The following FNDC1 variants were observed in gnomAD, a reference collection of about 807,000 sequenced individuals.
The protein encoded by FNDC1 is fibronectin type III domain containing 1.
FNDC1 carries 96 observed loss-of-function variants against 168.0 expected under a neutral mutation model. The ratio of observed to expected loss-of-function variants is 0.57; its 90% confidence interval spans 0.48 to 0.68. The LOEUF is 0.68. Among genes scored for constraint, FNDC1 ranks in the 30% least tolerant of loss-of-function variants. The pLI is 0.00. For missense variants in FNDC1, 2,587 were observed against 2,482.1 expected (o/e 1.04, Z -0.90); for synonymous variants, 1,099 against 1,025.9 (o/e 1.07, Z -1.36).
intron 17 of FNDC1, among the ~76,000 whole-genome samples, chr6:159,253,452 G>T (rs1196906240): frequency 6.6e-6 from 1 of 152,162 alleles, no homozygotes; most frequent in Non-Finnish European, 1.5e-5. Flanking sequence ...TTTGAATCCT[G>T]CTGGCTACAT....
chr6:159,263,104 G>C (rs2115028729), intron 19 of FNDC1, among the ~76,000 whole-genome samples: 1 of 152,322 alleles, frequency 6.6e-6, no homozygotes, highest in African/African-American at 2.4e-5. Flanking sequence ...GTCTGTGCTG[G>C]TGTCATTTTG....
intron 17 of FNDC1, among the ~76,000 whole-genome samples, chr6:159,253,354 C>T (rs1177989336): frequency 2.6e-5 from 4 of 152,306 alleles, no homozygotes; most frequent in East Asian, 3.9e-4. Flanking sequence ...AACCAAACAC[C>T]GGCTCTTTCA....
chr6:159,236,867 T>C (rs1783272438), intron 12 of FNDC1, among the ~76,000 whole-genome samples: 1 of 152,226 alleles, frequency 6.6e-6, no homozygotes, highest in African/African-American at 2.4e-5. Context: ...TTCATGTATG[T>C]CTAAACAGCT....
At chr6:159,239,114 C>T (rs1008318241) in intron 13 of FNDC1, among the ~76,000 whole-genome samples, 2 of 152,184 alleles carry the variant, frequency 1.3e-5, no homozygotes, top group Admixed American at 6.5e-5. Context: ...CTTAATTATG[C>T]ACTGTCTAAC....
chr6:159,239,369 A>G (rs1783348082), intron 13 of FNDC1, 148 bp from the exon 14 acceptor site: 2 of 659,700 alleles, frequency 3.0e-6, no homozygotes, highest in African/African-American at 1.8e-5. Flanking sequence ...ATCGTGGAGC[A>G]TACTGATGCA....
intron 1 of FNDC1, among the ~76,000 whole-genome samples, chr6:159,185,645 T>C (rs1055138204): frequency 6.6e-6 from 1 of 152,188 alleles, no homozygotes; most frequent in Non-Finnish European, 1.5e-5. Flanking sequence ...AGGTATCATG[T>C]TGACATCCCA....
chr6:159,254,565 G>T (rs1562310245), intron 17 of FNDC1, among the ~76,000 whole-genome samples: 2 of 151,980 alleles, frequency 1.3e-5, no homozygotes, highest in African/African-American at 4.8e-5. Flanking sequence ...AAAATTAGCT[G>T]GGCGTGGTGG....
chr6:159,254,906 A>G (rs957008481), intron 17 of FNDC1, among the ~76,000 whole-genome samples: 1 of 151,886 alleles, frequency 6.6e-6, no homozygotes, highest in Non-Finnish European at 1.5e-5. Flanking sequence ...AATCTGGTCA[A>G]TGTTGCTGTC....
chr6:159,229,559 C>T (rs1203482593), intron 9 of FNDC1, among the ~76,000 whole-genome samples: 2 of 152,174 alleles, frequency 1.3e-5, no homozygotes, highest in Admixed American at 1.3e-4. Flanking sequence ...GACTGGCCTC[C>T]TGGCTTTCAT....
chr6:159,247,082 C>A (rs535626797), intron 15 of FNDC1, 113 bp downstream of exon 15: 3 of 824,952 alleles, frequency 3.6e-6, no homozygotes, highest in Non-Finnish European at 6.1e-6. Context: ...AGCTTTGGGC[C>A]GGTGGCAATG....
rs1464640367 is a variant in FNDC1, at chr6:159,233,645, T to C, written c.3133T>C (p.Ser1045Pro). 6.4e-7 allele frequency: 1 copy of C among 1,553,880 alleles called. No homozygotes were observed. Among genetic ancestry groups the C allele is most frequent in the African/African-American group, 1.4e-5 (1 of 73,242 alleles). ...LTQAGRPRPT[S>P]QGRSHSSSDP... ...CCAGGCCGGGCGGCCCCGCCCCACG[T>C]CGCAGGGCCGCTCCCACTCCTCCTC... The change falls in exon 11 of 23, where the codon TCG (serine) becomes CCG (proline). Residue 1045 changes from serine to proline, a missense_variant. Physicochemically the swap from Ser to Pro is moderately conservative, Grantham distance 74. Transcript: ENST00000297267. The surrounding 1 kb of genome is among the most constrained non-coding windows in gnomAD (Gnocchi z 4.6).
At chr6:159,188,823 C>T (rs1782065532) in intron 1 of FNDC1, among the ~76,000 whole-genome samples, 2 of 150,840 alleles carry the variant, frequency 1.3e-5, no homozygotes, top group Non-Finnish European at 2.9e-5. Flanking sequence ...TCTCAGCTCA[C>T]TGCAACCTCC....
At chr6:159,216,982 T>C (rs1160587370) in intron 5 of FNDC1, among the ~76,000 whole-genome samples, 1 of 152,224 alleles carries the variant, frequency 6.6e-6, no homozygotes, top group Non-Finnish European at 1.5e-5. Flanking sequence ...CCCTTGCCTG[T>C]AGGCAGGGTC....
intron 19 of FNDC1, 71 bp from the exon 20 acceptor site, chr6:159,264,904 A>G (rs778694105): frequency 7.7e-7 from 1 of 1,306,626 alleles, no homozygotes; most frequent in Non-Finnish European, 1.1e-6. Flanking sequence ...TTTCAGTTAC[A>G]CTAACCATTT....
At chr6:159,219,261 G>A (rs761786208) in intron 5 of FNDC1, among the ~76,000 whole-genome samples, 1 of 152,118 alleles carries the variant, frequency 6.6e-6, no homozygotes, top group Non-Finnish European at 1.5e-5. Context: ...GGCTGGCCTC[G>A]AACTCCTGAC....
chr6:159,200,525 T>A lies in FNDC1; in HGVS notation c.404T>A (p.Ile135Asn), dbSNP rs771300833. The A allele has an allele frequency of 5.6e-6, 9 of 1,599,258 alleles. No individual in the cohort carries two copies. Among genetic ancestry groups the A allele is most frequent in the South Asian group, 3.4e-5 (3 of 87,968 alleles). Residue 135 changes from isoleucine (I) to asparagine (N), a missense_variant, in exon 4 of 23, where the codon ATC (isoleucine) becomes AAC (asparagine). Physicochemically the swap from Ile to Asn is moderately radical, Grantham distance 149. Coordinates refer to ENST00000297267, the MANE Select transcript of FNDC1 (RefSeq NM_032532.3). ...TTCCCTAATTTAGGAGGTGAATGGA[T>A]CGAGATTGATGGTTTTCCCATTAAG... Reference protein sequence around the residue: ...RAESPPGGEWIEIDGFPIKGP... With the variant: ...RAESPPGGEWNEIDGFPIKGP...
chr6:159,230,688 T>A (rs1783062883), intron 10 of FNDC1, among the ~76,000 whole-genome samples: 1 of 152,248 alleles, frequency 6.6e-6, no homozygotes, highest in Non-Finnish European at 1.5e-5. Flanking sequence ...GGAGTGTTTT[T>A]GGACCATGTT....
chr6:159,213,026 G>A (rs988313903), intron 4 of FNDC1, among the ~76,000 whole-genome samples: 1 of 152,166 alleles, frequency 6.6e-6, no homozygotes, highest in African/African-American at 2.4e-5. Context: ...TACTTACCTT[G>A]GAGCTGTTCT....
chr6:159,225,483 G>A, intron 7 of FNDC1, 52 bp from the exon 8 acceptor site: 1 of 1,440,632 alleles, frequency 6.9e-7, no homozygotes, highest in East Asian at 2.4e-5. Flanking sequence ...GAGGCATCTA[G>A]TGTTGAGTGG....
Sources: gnomAD v4.1 joint callset for allele counts (sites outside exome capture counted in the v4.1 genomes callset) on GRCh38, gnomAD v4.1.1 for gene constraint, Gnocchi (gnomAD v3.1) non-coding constraint, MANE v1.5 for transcripts, NCBI Gene and HGNC (gene_info 2026-07-23, HGNC 2026-07-21) for gene names.